NWD2: variants seen among roughly 807,000 people sequenced by gnomAD.
NWD2 encodes the protein NACHT and WD repeat domain-containing protein 2.
A neutral mutation model predicts 132.7 loss-of-function variants in NWD2; 37 were observed. The ratio of observed to expected loss-of-function variants is 0.28; its 90% CI spans 0.21 to 0.37. The LOEUF is 0.37. NWD2 is among the 10% of genes least tolerant of loss of function. The pLI, the probability that NWD2 is intolerant of heterozygous loss-of-function variation, is 1.00. For missense variants in NWD2, 1,592 were observed against 2,122.4 expected (o/e 0.75, Z 4.91); for synonymous variants, 705 against 803.0 (o/e 0.88, Z 2.06).
intron 2 of NWD2, among the ~76,000 whole-genome samples, chr4:37,327,284 A>G (rs1577669046): frequency 6.6e-6 from 1 of 152,168 alleles, no homozygotes; most frequent in Non-Finnish European, 1.5e-5. Flanking sequence ...GACAGCTTCT[A>G]TAAACCATGG....
rs558740928 is a variant in NWD2, at chr4:37,317,980, G to A, written c.152-7956G>A. 3.4e-4 allele frequency among the ~76,000 whole-genome samples: 51 copies of A among 148,054 alleles called. No homozygotes were observed. The South Asian group carries it at 9.2e-3, about 27-fold the overall frequency. ...CATTCATTTATTGAGTACTAATTACGTTCTGGGAGCTGCTCTAATTTCTTT... is the reference window on the plus strand; with the variant it reads ...CATTCATTTATTGAGTACTAATTACATTCTGGGAGCTGCTCTAATTTCTTT... On this transcript the variant is annotated intron_variant, in intron 1 of 6. Coordinates refer to ENST00000309447, the MANE Select transcript of NWD2 (RefSeq NM_001144990.2).
At chr4:37,288,024 G>T (rs1365183260) in intron 1 of NWD2, among the ~76,000 whole-genome samples, 1 of 152,158 alleles carries the variant, frequency 6.6e-6, no homozygotes, top group Non-Finnish European at 1.5e-5. Flanking sequence ...CATGGATGAA[G>T]CTGGAAACCA....
intron 3 of NWD2, among the ~76,000 whole-genome samples, chr4:37,362,340 A>G (rs906329050): frequency 6.6e-6 from 1 of 152,218 alleles, no homozygotes; most frequent in African/African-American, 2.4e-5. Context: ...TGGAACCAAA[A>G]AAGAGTGTGA....
intron 1 of NWD2, among the ~76,000 whole-genome samples, chr4:37,264,815 T>C (rs866664821): frequency 6.6e-6 from 1 of 152,176 alleles, no homozygotes; most frequent in Non-Finnish European, 1.5e-5. Flanking sequence ...GTTTTTTAAA[T>C]ATTTTCACAA....
intron 3 of NWD2, among the ~76,000 whole-genome samples, chr4:37,395,241 A>T (rs1720763383): frequency 6.6e-6 from 1 of 152,056 alleles, no homozygotes; most frequent in African/African-American, 2.4e-5. Flanking sequence ...ACACATGCTA[A>T]ACTTCTTAAG....
At chr4:37,421,326 C>T (rs556020559) in intron 3 of NWD2, among the ~76,000 whole-genome samples, 57 of 152,316 alleles carry the variant, frequency 3.7e-4, no homozygotes, top group South Asian at 3.5e-3. Context: ...GAGCAAACTC[C>T]GGAATGGCTC....
intron 3 of NWD2, among the ~76,000 whole-genome samples, chr4:37,373,629 A>T (rs1431184207): frequency 6.6e-6 from 1 of 152,216 alleles, no homozygotes. Flanking sequence ...AGCAACAGTG[A>T]TGAGTAGAAG....
At chr4:37,327,456 G>T (rs1386238284) in intron 2 of NWD2, among the ~76,000 whole-genome samples, 1 of 152,150 alleles carries the variant, frequency 6.6e-6, no homozygotes, top group East Asian at 1.9e-4. Context: ...ATCAGCTGAG[G>T]AGATGTTGGA....
intron 1 of NWD2, among the ~76,000 whole-genome samples, chr4:37,246,426 A>T (rs1431506392): frequency 6.6e-6 from 1 of 152,242 alleles, no homozygotes; most frequent in African/African-American, 2.4e-5. Flanking sequence ...ACTAATTAGT[A>T]TTAGAAAGAC....
At chr4:37,374,957 A>G (rs1349487322) in intron 3 of NWD2, among the ~76,000 whole-genome samples, 1 of 152,236 alleles carries the variant, frequency 6.6e-6, no homozygotes, top group Non-Finnish European at 1.5e-5. Flanking sequence ...GCTTCAAGAA[A>G]ATCTGGATAA....
At chr4:37,354,044 T>A (rs1719823359) in intron 2 of NWD2, among the ~76,000 whole-genome samples, 1 of 152,124 alleles carries the variant, frequency 6.6e-6, no homozygotes, top group Non-Finnish European at 1.5e-5. Flanking sequence ...ATCCTTTTTG[T>A]TGATGTTGAT....
At chr4:37,426,002 T>C (rs1711999189) in intron 3 of NWD2, among the ~76,000 whole-genome samples, 1 of 152,216 alleles carries the variant, frequency 6.6e-6, no homozygotes, top group African/African-American at 2.4e-5. Context: ...CCACCCCTGC[T>C]CTGGTCCATT....
In NWD2 at chr4:37,445,591, A is replaced by C; in HGVS notation, c.3603A>C (p.Gln1201His). Residue 1201 changes from glutamine (Q) to histidine (H), a missense_variant, in exon 7 of 7, where the codon CAA becomes CAC. Physicochemically the swap from Gln to His is conservative, Grantham distance 24. This residue lies in a region of NWD2 where 1,071 missense variants were observed against 1,398.0 expected (regional missense o/e 0.77). Coordinates refer to ENST00000309447, the MANE Select transcript of NWD2 (RefSeq NM_001144990.2). This position sits in a 1 kb window ranked among gnomAD's most constrained non-coding sequence, Gnocchi z 4.7. ...EVVSIELSED[Q>H]SAVLICKALS... The stretch of plus-strand genomic sequence containing the variant: ...TCAGCATTGAGCTTTCAGAAGACCA[A>C]AGTGCAGTTCTGATCTGTAAAGCCC... The C allele has an allele frequency of 6.4e-7, 1 of 1,552,258 alleles. No individual in the cohort carries two copies. The highest frequency in any genetic ancestry group is 1.4e-5 in the African/African-American group (1 of 73,168).
In NWD2 at chr4:37,443,339, G is replaced by A. The variant is rs148039237; in HGVS notation, c.1351G>A (p.Val451Met). 5.8e-4 allele frequency: 907 copies of A among 1,551,722 alleles called. 4 individuals carry two copies. Among genetic ancestry groups the A allele is most frequent in the Admixed American group, 2.4e-3 (124 of 51,000 alleles). The change falls in exon 7 of 7, where the codon GTG becomes ATG. Residue 451 changes from valine to methionine, a missense_variant. By Grantham distance (21) the Val-to-Met change is conservative. Transcript: ENST00000309447. The surrounding 1 kb of genome is among the most constrained non-coding windows in gnomAD (Gnocchi z 4.1). ...ACCAGAATCTGACCCAGTAGTCATC[G>A]TGAGATTTCTAGGAACGACAGACAT... ...TGPESDPVVIVRFLGTTDMSS... is the reference protein window; with the variant it reads ...TGPESDPVVIMRFLGTTDMSS...
chr4:37,349,760 C>T (rs1719724102), intron 2 of NWD2, among the ~76,000 whole-genome samples: 1 of 152,132 alleles, frequency 6.6e-6, no homozygotes, highest in South Asian at 2.1e-4. Flanking sequence ...AGTCTTTGCC[C>T]ATGCCTATGA....
intron 3 of NWD2, among the ~76,000 whole-genome samples, chr4:37,387,777 C>A (rs191519387): frequency 1.4e-5 from 2 of 147,228 alleles, no homozygotes; most frequent in African/African-American, 5.1e-5. Context: ...CAGGTTCAAG[C>A]GATTCTCCCG....
intron 2 of NWD2, among the ~76,000 whole-genome samples, chr4:37,338,282 G>A (rs537213440): frequency 8.5e-5 from 13 of 152,290 alleles, no homozygotes; most frequent in African/African-American, 1.4e-4. Flanking sequence ...AAACCCAGCC[G>A]TGACTGCCAC....
At chr4:37,298,520 A>G (rs991390124) in intron 1 of NWD2, among the ~76,000 whole-genome samples, 2 of 152,132 alleles carry the variant, frequency 1.3e-5, no homozygotes, top group African/African-American at 4.8e-5. Context: ...TTTGTAATTA[A>G]TGTAGGCATC....
chr4:37,319,042 G>C (rs1449954851), intron 1 of NWD2, among the ~76,000 whole-genome samples: 1 of 152,110 alleles, frequency 6.6e-6, no homozygotes, highest in Non-Finnish European at 1.5e-5. Context: ...TACATTTTTT[G>C]AGAAATCTCC....
Sources: gnomAD v4.1 joint callset for allele counts (sites outside exome capture counted in the v4.1 genomes callset) on GRCh38, gnomAD v4.1.1 for gene constraint, gnomAD v4.1.1 regional missense constraint, Gnocchi (gnomAD v3.1) non-coding constraint, MANE v1.5 for transcripts, NCBI Gene and HGNC (gene_info 2026-07-23, HGNC 2026-07-21) for gene names.